Variants in FGFRL1 observed in about 807,000 individuals in gnomAD.
The protein encoded by FGFRL1 is fibroblast growth factor receptor like 1, also known as fibroblast growth factor receptor-like 1.
A neutral mutation model predicts 36.8 loss-of-function variants in FGFRL1; 24 were observed. The observed-to-expected ratio is 0.65, with a 90% CI of 0.47 to 0.92. FGFRL1 has a LOEUF of 0.92. FGFRL1 is among the 40% of genes least tolerant of loss of function. The pLI, the probability that FGFRL1 is intolerant of heterozygous loss-of-function variation, is 0.00. For synonymous variants in FGFRL1, 422 were observed against 344.1 expected (o/e 1.23, Z -2.50); for missense variants, 785 against 753.4 (o/e 1.04, Z -0.49).
At chr4:1,020,653 C>T (rs1451948014) in intron 2 of FGFRL1, among the ~76,000 whole-genome samples, 2 of 94,096 alleles carry the variant, frequency 2.1e-5, no homozygotes, top group African/African-American at 4.4e-5. Flanking sequence ...GGGTGGGGAC[C>T]CAGGCAGGGG....
At chr4:1,013,220 G>A (rs2153025000) in intron 2 of FGFRL1, among the ~76,000 whole-genome samples, 1 of 152,374 alleles carries the variant, frequency 6.6e-6, no homozygotes, top group South Asian at 2.1e-4. Context: ...TGGCAGCCAT[G>A]CCCTGGGACC....
At chr4:1,014,600 G>A (rs1395158151) in intron 2 of FGFRL1, among the ~76,000 whole-genome samples, 1 of 150,072 alleles carries the variant, frequency 6.7e-6, no homozygotes, top group African/African-American at 2.5e-5. Flanking sequence ...GTCAGTGTCG[G>A]CTCCCTGTGG....
intron 2 of FGFRL1, among the ~76,000 whole-genome samples, chr4:1,013,090 G>T (rs1715692032): frequency 6.6e-6 from 1 of 152,242 alleles, no homozygotes; most frequent in Non-Finnish European, 1.5e-5. Flanking sequence ...CCAGCTCTAG[G>T]CAGGCAGTGC....
Position 1,026,707 on chromosome 4 carries a change from G to A in FGFRL1, c.*1360G>A. ...GGAAGACTGGGTTGCAGGGACTGTG[G>A]TCTCTCCTGGGGCCCGGGACCCGCC... is the stretch of plus-strand genomic sequence containing the variant. On this transcript the variant is annotated 3_prime_UTR_variant, in exon 7 of 7. Coordinates refer to ENST00000510644, the MANE Select transcript of FGFRL1 (RefSeq NM_001004356.3). 2 of 359,446 alleles carry A rather than the reference G, an allele frequency of 5.6e-6. No homozygotes were observed. The highest frequency in any genetic ancestry group is 4.1e-5 in the South Asian group (2 of 48,566). 22.3% of individuals were successfully genotyped at this position (359,446 alleles called of 1,614,324 possible).
At chr4:1,018,545 C>T (rs954166344) in intron 2 of FGFRL1, among the ~76,000 whole-genome samples, 6 of 152,278 alleles carry the variant, frequency 3.9e-5, no homozygotes, top group Admixed American at 2.6e-4. Context: ...AGTGTGTGTG[C>T]AGGGCAGGGG....
At position 1,024,894 on chromosome 4, in the gene FGFRL1, C is replaced by A; in HGVS notation, c.1073-11C>A. 6.3e-7 allele frequency: 1 copy of A among 1,578,342 alleles called. No homozygotes were observed. The highest frequency in any genetic ancestry group is 1.1e-5 in the South Asian group (1 of 88,720). On this transcript the variant is annotated splice_polypyrimidine_tract_variant and intron_variant, in intron 6 of 6. Coordinates refer to ENST00000510644, the MANE Select transcript of FGFRL1 (RefSeq NM_001004356.3). ...TTCCCCTCCCTACCTCCTTTCCTCT[C>A]GCTCTTGCAGACCCAAAACCGCCAG...
At chr4:1,021,641 G>A (rs538542382) in intron 2 of FGFRL1, among the ~76,000 whole-genome samples, 8 of 152,290 alleles carry the variant, frequency 5.3e-5, no homozygotes, top group Non-Finnish European at 1.0e-4. Flanking sequence ...TCGGTTGCTT[G>A]TGGATAGCTG....
chr4:1,017,819 C>T (rs1715972526), intron 2 of FGFRL1, among the ~76,000 whole-genome samples: 1 of 152,202 alleles, frequency 6.6e-6, no homozygotes, highest in African/African-American at 2.4e-5. Context: ...GAGGAGCCAC[C>T]TGGCCACAGG....
intron 2 of FGFRL1, among the ~76,000 whole-genome samples, chr4:1,018,217 C>T (rs1715994397): frequency 6.6e-6 from 1 of 152,184 alleles, no homozygotes; most frequent in South Asian, 2.1e-4. Flanking sequence ...CCTCCCTGGG[C>T]CCTGGGAAAG....
intron 2 of FGFRL1, among the ~76,000 whole-genome samples, chr4:1,016,523 G>A (rs915533176): frequency 6.6e-6 from 1 of 152,122 alleles, no homozygotes; most frequent in African/African-American, 2.4e-5. Context: ...AGGGGGAGCA[G>A]TGCCCTGGGG....
rs932302267 is a variant in FGFRL1 at position 1,023,476 on chromosome 4, G to A, written c.353-165G>A. The stretch of plus-strand genomic sequence containing the variant: ...AGTGTGGGCCAGCGGCCCTTGCCCA[G>A]CTGTCCCTGGGATTCTGGGCTGTGG... On this transcript the variant is annotated intron_variant, in intron 3 of 6. Coordinates refer to ENST00000510644, the MANE Select transcript of FGFRL1 (RefSeq NM_001004356.3). The surrounding 1 kb of genome is among the most constrained non-coding windows in gnomAD (Gnocchi z 6.0). 2.6e-5 allele frequency among the ~76,000 whole-genome samples: 4 copies of A among 152,292 alleles called. No homozygotes were observed. The highest frequency in any genetic ancestry group is 7.2e-5 in the African/African-American group (3 of 41,574).
intron 3 of FGFRL1, among the ~76,000 whole-genome samples, chr4:1,022,916 C>T (rs780441152): frequency 4.6e-5 from 7 of 152,150 alleles, no homozygotes; most frequent in Non-Finnish European, 8.8e-5. Context: ...CAGAGAGACA[C>T]GCCCTCCATA....
chr4:1,012,343 G>T lies in FGFRL1; in HGVS notation c.-16-127G>T. 3.7e-6 allele frequency: 4 copies of T among 1,081,516 alleles called. No homozygotes were observed. The South Asian group carries it at 6.2e-5, about 17-fold the overall frequency. 67.0% of individuals were successfully genotyped at this position (1,081,516 alleles called of 1,614,324 possible). On this transcript the variant is annotated intron_variant, in intron 1 of 6. Coordinates refer to ENST00000510644, the MANE Select transcript of FGFRL1 (RefSeq NM_001004356.3). ...GCTTCTCCCCGCTGCGGCTTCCTCC[G>T]CCTGGAGCGCGGGCGGGGAGGGCCT...
In FGFRL1 at chr4:1,023,823, C is replaced by G. The variant is rs771210370; in HGVS notation, c.440C>G (p.Pro147Arg). Residue 147 changes from proline (P) to arginine (R), a missense_variant, in exon 5 of 7, where the codon CCG becomes CGG. By Grantham distance (103) the Pro-to-Arg change is moderately radical. Transcript: ENST00000510644. The surrounding 1 kb of genome is among the most constrained non-coding windows in gnomAD (Gnocchi z 6.0). ...EDPASQQWAR[P>R]RFTQPSKMRR... ...ACGCCACCCCACCCCGCAGCACGAC[C>G]GCGCTTCACACAGCCCTCCAAGATG... is the stretch of plus-strand genomic sequence containing the variant. The G allele has an allele frequency of 2.5e-6, 4 of 1,578,944 alleles. No individual in the cohort carries two copies. In the East Asian group the frequency reaches 9.2e-5, roughly 36 times the overall value.
At position 1,024,673 on chromosome 4, in the gene FGFRL1, CTGCCA is replaced by C. The variant is rs1288109202; in HGVS notation, c.1072+10_1072+14del. On this transcript the variant is annotated intron_variant, in intron 6 of 6. Coordinates refer to ENST00000510644, the MANE Select transcript of FGFRL1 (RefSeq NM_001004356.3). ...CCTCACCGTGCTGCCAGGTGCGCGG[CTGCCA>C]CGCCACGCCACACCATGCTGGTGCC... 6.3e-7 allele frequency: 1 copy of C among 1,589,548 alleles called. No individual in the cohort carries two copies. Among genetic ancestry groups the C allele is most frequent in the Non-Finnish European group, 8.6e-7 (1 of 1,166,080 alleles).
Position 1,026,158 on chromosome 4 carries a change from C to T in FGFRL1, c.*811C>T, listed in dbSNP as rs1196531056. 1.3e-5 allele frequency: 2 copies of T among 156,320 alleles called. No individual in the cohort carries two copies. Among genetic ancestry groups the T allele is most frequent in the African/African-American group, 4.8e-5 (2 of 41,288 alleles). The allele number at this position is 156,320 out of a possible 1,614,324, so 9.7% of individuals were successfully genotyped here. Reference sequence around the variant, plus strand: ...CACACGTGCAGATATTGCCTGGACACACACATGTGCACAGATATGCTGTCT... The same window carrying T: ...CACACGTGCAGATATTGCCTGGACATACACATGTGCACAGATATGCTGTCT... On this transcript the variant is annotated 3_prime_UTR_variant, in exon 7 of 7. Transcript: ENST00000510644.
In FGFRL1 at chr4:1,023,853, G is replaced by T; in HGVS notation, c.470G>T (p.Arg157Leu). 3.2e-6 allele frequency: 5 copies of T among 1,580,312 alleles called. No individual in the cohort carries two copies. The highest frequency in any genetic ancestry group is 3.4e-6 in the Non-Finnish European group (4 of 1,165,182). ...PRFTQPSKMRRRVIARPVGSS... is the reference protein window; with the variant it reads ...PRFTQPSKMRLRVIARPVGSS... ...TTCACACAGCCCTCCAAGATGAGGC[G>T]CCGGGTGATCGCACGGCCCGTGGGT... The change falls in exon 5 of 7, where the codon CGC (arginine) becomes CTC (leucine). Residue 157 changes from arginine to leucine, a missense_variant. Coordinates refer to ENST00000510644, the MANE Select transcript of FGFRL1 (RefSeq NM_001004356.3). The surrounding 1 kb of genome is among the most constrained non-coding windows in gnomAD (Gnocchi z 6.0).
At chr4:1,019,031 C>T (rs1437280191) in intron 2 of FGFRL1, among the ~76,000 whole-genome samples, 3 of 152,206 alleles carry the variant, frequency 2.0e-5, no homozygotes, top group South Asian at 4.1e-4. Flanking sequence ...GGCCATCCAG[C>T]GGTCATTTGT....
In FGFRL1 at chr4:1,025,573, G is replaced by C. The variant is rs566202202; in HGVS notation, c.*226G>C. 5.4e-4 allele frequency: 330 copies of C among 607,250 alleles called. 1 individual carries two copies. Among genetic ancestry groups the C allele is most frequent in the Non-Finnish European group, 7.9e-4 (278 of 350,746 alleles). The allele number at this position is 607,250 out of a possible 1,614,324, so 37.6% of individuals were successfully genotyped here. ...ATGCGCGCACACGTGCTCCCTGAAG[G>C]CACACGTACGCACACACGCACATGC... On this transcript the variant is annotated 3_prime_UTR_variant, in exon 7 of 7. Transcript: ENST00000510644.
Sources: gnomAD v4.1 joint callset for allele counts (sites outside exome capture counted in the v4.1 genomes callset) on GRCh38, gnomAD v4.1.1 for gene constraint, Gnocchi (gnomAD v3.1) non-coding constraint, MANE v1.5 for transcripts, NCBI Gene and HGNC (gene_info 2026-07-23, HGNC 2026-07-21) for gene names.